The following MMP21 variants were observed in gnomAD, a reference collection of about 807,000 sequenced individuals.
The protein encoded by MMP21 is matrix metalloproteinase-21.
A neutral mutation model predicts 47.8 loss-of-function variants in MMP21; 40 were observed. The observed-to-expected ratio is 0.84, with a 90% CI of 0.65 to 1.09. The LOEUF is 1.09. MMP21 is among the 50% of genes least tolerant of loss of function. The probability of loss-of-function intolerance (pLI) is 0.00; values close to 1 mark genes in which losing one functional copy is unlikely to be tolerated. For missense variants in MMP21, 747 were observed against 775.3 expected (o/e 0.96, Z 0.43); for synonymous variants, 341 against 318.0 (o/e 1.07, Z -0.77).
intron 5 of MMP21, among the ~76,000 whole-genome samples, chr10:125,768,057 C>G (rs28381317): frequency 0.013 from 1,927 of 152,266 alleles, 56 homozygotes; most frequent in African/African-American, 0.044. Flanking sequence ...ACCTTAGTAT[C>G]TTAATGTTTT....
In MMP21 at chr10:125,775,677, C is replaced by G. The variant is rs762663007; in HGVS notation, c.145G>C (p.Asp49His). ...CCTCCTACCTGAGCAGCGTGGAGGT[C>G]GGCAATGGGCTTGGCCTGGCGCAGT... ...SPLRQAKPIA[D>H]LHAAQRFLSR... The change falls in exon 1 of 7, where the codon GAC becomes CAC. Residue 49 changes from aspartate to histidine, a missense_variant. By Grantham distance (81) the Asp-to-His change is moderately conservative (BLOSUM62 -1). Coordinates refer to ENST00000368808, the MANE Select transcript of MMP21 (RefSeq NM_147191.1). The G allele has an allele frequency of 1.2e-6, 2 of 1,608,964 alleles. No individual in the cohort carries two copies. Among genetic ancestry groups the G allele is most frequent in the Non-Finnish European group, 8.5e-7 (1 of 1,177,318 alleles).
At chr10:125,775,491 T>TAGGA (rs1850506412) in intron 1 of MMP21, among the ~76,000 whole-genome samples, 169 bp downstream of exon 1, 3 of 152,262 alleles carry the variant, frequency 2.0e-5, no homozygotes, top group Non-Finnish European at 4.4e-5. Flanking sequence ...TTCATGGTTG[T>TAGGA]TCCAATAGGA....
rs952980142 is a variant in MMP21, at chr10:125,773,880, G to T, written c.648C>A (p.Asp216Glu). ...SEVTPLDFREDLAAPGAAVDI... is the reference protein window; with the variant it reads ...SEVTPLDFREELAAPGAAVDI... ...CGACCGCGGCCCCGGGGGCGGCCAGGTCCTCGCGGAAGTCCAGCGGCGTCA... is the reference window on the plus strand; with the variant it reads ...CGACCGCGGCCCCGGGGGCGGCCAGTTCCTCGCGGAAGTCCAGCGGCGTCA... The change falls in exon 2 of 7, where the codon GAC becomes GAA. Residue 216 changes from aspartate to glutamate, a missense_variant. Asp to Glu is a conservative substitution (Grantham distance 45, BLOSUM62 2). Transcript: ENST00000368808. This position sits in a 1 kb window ranked among gnomAD's most constrained non-coding sequence, Gnocchi z 4.8. 26 of 1,577,210 alleles carry T rather than the reference G, an allele frequency of 1.6e-5. No homozygotes were observed. The highest frequency in any genetic ancestry group is 2.1e-5 in the Non-Finnish European group (24 of 1,168,878).
In MMP21 at chr10:125,766,877, G is replaced by A. The variant is rs1850392142; in HGVS notation, c.1495C>T (p.Gln499Ter). ...ITEVFPAVIPQNHPFRNIDSA... is the reference protein window; with the variant it reads ...ITEVFPAVIP Reference sequence around the variant, plus strand: ...TCTATATTTCTGAAAGGATGATTTTGTGGTATTACTGCTGGAAAAACTTCA... The same window carrying A: ...TCTATATTTCTGAAAGGATGATTTTATGGTATTACTGCTGGAAAAACTTCA... Residue 499 changes from glutamine (Q) to a stop codon, truncating the protein, a stop_gained, in exon 7 of 7, where the codon CAA becomes TAA. Coordinates refer to ENST00000368808, the MANE Select transcript of MMP21 (RefSeq NM_147191.1). LOFTEE classifies it low-confidence loss of function (END_TRUNC). 1 of 1,613,340 alleles carries A rather than the reference G, an allele frequency of 6.2e-7. No individual in the cohort carries two copies. Among genetic ancestry groups the A allele is most frequent in the East Asian group, 2.2e-5 (1 of 44,826 alleles).
intron 6 of MMP21, 30 bp downstream of exon 6, chr10:125,767,502 C>T (rs1850399094): frequency 1.9e-6 from 3 of 1,595,292 alleles, no homozygotes; most frequent in Non-Finnish European, 2.6e-6. Context: ...ATGACAGAAG[C>T]ATTGCTAGGC....
chr10:125,774,220 TC>T lies in MMP21; in HGVS notation c.307del (p.Glu103SerfsTer7). On this transcript the variant is annotated frameshift_variant, in exon 2 of 7. Coordinates refer to ENST00000368808, the MANE Select transcript of MMP21 (RefSeq NM_147191.1). LOFTEE classifies it high-confidence loss of function. ...QRANALPASGELDAATLAAMN... is the reference protein window; with the variant it reads ...QRANALPASGXLDAATLAAMN... ...GGCCGCTAGGGTGGCCGCGTCCAGC[TC>T]CCCGCTGGCCGGCAGCGCGTTCGCC... is the stretch of plus-strand genomic sequence containing the variant. 7.2e-7 allele frequency: 1 copy of T among 1,383,692 alleles called. No homozygotes were observed. The allele number at this position is 1,383,692 out of a possible 1,614,324, so 85.7% of individuals were successfully genotyped here.
chr10:125,770,629 A>C (rs1850436240), intron 4 of MMP21, 38 bp from the exon 5 acceptor site: 2 of 1,606,874 alleles, frequency 1.2e-6, no homozygotes, highest in Non-Finnish European at 1.7e-6. Flanking sequence ...CTTGTCACAT[A>C]CATGGTGCAA....
chr10:125,768,668 C>T (rs888277543), intron 5 of MMP21, among the ~76,000 whole-genome samples: 1 of 152,136 alleles, frequency 6.6e-6, no homozygotes. Context: ...TCTTTTAATC[C>T]AAAATATTCA....
chr10:125,773,784 C>T lies in MMP21; in HGVS notation c.697+47G>A. 6.9e-7 allele frequency: 1 copy of T among 1,455,820 alleles called. No individual in the cohort carries two copies. The highest frequency in any genetic ancestry group is 9.0e-7 in the Non-Finnish European group (1 of 1,108,760). 90.2% of individuals were successfully genotyped at this position (1,455,820 alleles called of 1,614,324 possible). Reference sequence around the variant, plus strand: ...GAGGTGGGGGTAGGTGCGCCGGGGTCCCCGAGGGGCTGGGTCGGGCAGGCA... The same window carrying T: ...GAGGTGGGGGTAGGTGCGCCGGGGTTCCCGAGGGGCTGGGTCGGGCAGGCA... On this transcript the variant is annotated intron_variant, in intron 2 of 6. Coordinates refer to ENST00000368808, the MANE Select transcript of MMP21 (RefSeq NM_147191.1). The surrounding 1 kb of genome is among the most constrained non-coding windows in gnomAD (Gnocchi z 4.8).
At position 125,773,060 on chromosome 10, in the gene MMP21, G is replaced by T. The variant is rs1490248153; in HGVS notation, c.698-310C>A. Reference sequence around the variant, plus strand: ...CCTCACCCGGACAAGATCGGGGCCGGATCCTCGCCTCTGCGGAGGTCGTGA... The same window carrying T: ...CCTCACCCGGACAAGATCGGGGCCGTATCCTCGCCTCTGCGGAGGTCGTGA... On this transcript the variant is annotated intron_variant, in intron 2 of 6. Coordinates refer to ENST00000368808, the MANE Select transcript of MMP21 (RefSeq NM_147191.1). The surrounding 1 kb of genome is among the most constrained non-coding windows in gnomAD (Gnocchi z 4.8). 6.6e-6 allele frequency among the ~76,000 whole-genome samples: 1 copy of T among 152,260 alleles called. No homozygotes were observed. The highest frequency in any genetic ancestry group is 2.4e-5 in the African/African-American group (1 of 41,470).
In MMP21 at chr10:125,774,292, G is replaced by A; in HGVS notation, c.236C>T (p.Thr79Ile). 1.4e-6 allele frequency: 2 copies of A among 1,418,530 alleles called. No homozygotes were observed. Among genetic ancestry groups the A allele is most frequent in the East Asian group, 3.0e-5 (1 of 33,220 alleles). 87.9% of individuals were successfully genotyped at this position (1,418,530 alleles called of 1,614,324 possible). A position where few individuals can be genotyped will look rare whatever the true frequency, so the allele number is the denominator to read the frequency against. The change falls in exon 2 of 7, where the codon ACC becomes ATC. Residue 79 changes from threonine to isoleucine, a missense_variant. Transcript: ENST00000368808. ...CTCGGCCAGGGCGGCGCCCTTGGGG[G>A]TCTCCGGCGGCCCCTCGGGACTGGG... ...WGPSPEGPPE[T>I]PKGAALAEAV... is the part of the protein sequence containing the mutation.
chr10:125,773,718 G>C lies in MMP21; in HGVS notation c.697+113C>G. On this transcript the variant is annotated intron_variant, in intron 2 of 6. Coordinates refer to ENST00000368808, the MANE Select transcript of MMP21 (RefSeq NM_147191.1). The surrounding 1 kb of genome is among the most constrained non-coding windows in gnomAD (Gnocchi z 4.8). ...CTGCCCCGCTGACAGGTGCCCCCGG[G>C]ACAGGCCGGGAGGGCTTAGCCCCCC... 1 of 1,335,796 alleles carries C rather than the reference G, an allele frequency of 7.5e-7. No individual in the cohort carries two copies. The highest frequency in any genetic ancestry group is 9.7e-7 in the Non-Finnish European group (1 of 1,032,736). 82.7% of individuals were successfully genotyped at this position (1,335,796 alleles called of 1,614,324 possible). A position where few individuals can be genotyped will look rare whatever the true frequency, so the allele number is the denominator to read the frequency against.
intron 5 of MMP21, among the ~76,000 whole-genome samples, 171 bp from the exon 6 acceptor site, chr10:125,767,875 G>A (rs565679058): frequency 4.6e-5 from 7 of 152,098 alleles, no homozygotes; most frequent in Non-Finnish European, 7.4e-5. Flanking sequence ...CCATTTCCCC[G>A]CGTCTTGAAT....
chr10:125,773,833 C>A lies in MMP21; in HGVS notation c.695G>T (p.Arg232Ile). 6.5e-7 allele frequency: 1 copy of A among 1,541,906 alleles called. No individual in the cohort carries two copies. Among genetic ancestry groups the A allele is most frequent in the Non-Finnish European group, 8.7e-7 (1 of 1,151,246 alleles). The change falls in exon 2 of 7, where the codon AGA becomes ATA. Residue 232 changes from arginine to isoleucine, a missense_variant and splice_region_variant. Physicochemically the swap from Arg to Ile is moderately conservative, Grantham distance 97. Coordinates refer to ENST00000368808, the MANE Select transcript of MMP21 (RefSeq NM_147191.1). The surrounding 1 kb of genome is among the most constrained non-coding windows in gnomAD (Gnocchi z 4.8). Reference protein sequence around the residue: ...AAVDIKLGFGRGRHLGCPRAF... With the variant: ...AAVDIKLGFGIGRHLGCPRAF... The stretch of plus-strand genomic sequence containing the variant: ...CAGGGAGCCCGGGGTGCTCTTACCT[C>A]TCCCAAAGCCCAGCTTGATGTCGAC...
intron 5 of MMP21, among the ~76,000 whole-genome samples, chr10:125,769,168 G>T (rs1002723302): frequency 3.3e-5 from 5 of 152,186 alleles, no homozygotes; most frequent in African/African-American, 9.7e-5. Flanking sequence ...AAGGCAGCGT[G>T]CCTCGTGCAC....
intron 6 of MMP21, 40 bp downstream of exon 6, chr10:125,767,492 A>G: frequency 6.3e-7 from 1 of 1,577,764 alleles, no homozygotes; most frequent in Non-Finnish European, 8.7e-7. Context: ...TCTATTAGGG[A>G]TGACAGAAGC....
Position 125,773,720 on chromosome 10 carries a change from C to A in MMP21, c.697+111G>T. 3 of 1,343,854 alleles carry A rather than the reference C, an allele frequency of 2.2e-6. No homozygotes were observed. The highest frequency in any genetic ancestry group is 2.9e-6 in the Non-Finnish European group (3 of 1,039,686). 83.2% of individuals were successfully genotyped at this position (1,343,854 alleles called of 1,614,324 possible). On this transcript the variant is annotated intron_variant, in intron 2 of 6. Transcript: ENST00000368808. This position sits in a 1 kb window ranked among gnomAD's most constrained non-coding sequence, Gnocchi z 4.8. The stretch of plus-strand genomic sequence containing the variant: ...GCCCCGCTGACAGGTGCCCCCGGGA[C>A]AGGCCGGGAGGGCTTAGCCCCCCAT...
At chr10:125,768,266 TAGAG>T (rs1205371346) in intron 5 of MMP21, among the ~76,000 whole-genome samples, 1 of 151,876 alleles carries the variant, frequency 6.6e-6, no homozygotes, top group Non-Finnish European at 1.5e-5. Flanking sequence ...GACACTGGAG[TAGAG>T]AGCTGAAGTG....
rs1850459948 is a variant in MMP21 at position 125,772,481 on chromosome 10, T to G, written c.838-122A>C. ...GTGAAGAGGGGAGCACCGGTGGAAC[T>G]GGGGAGCCATTCCACGGATTCACCT... On this transcript the variant is annotated intron_variant, in intron 3 of 6. Transcript: ENST00000368808. The surrounding 1 kb of genome is among the most constrained non-coding windows in gnomAD (Gnocchi z 5.6). 6.4e-7 allele frequency: 1 copy of G among 1,559,444 alleles called. No homozygotes were observed. Among genetic ancestry groups the G allele is most frequent in the Non-Finnish European group, 8.8e-7 (1 of 1,139,104 alleles).
Sources: gnomAD v4.1 joint callset for allele counts (sites outside exome capture counted in the v4.1 genomes callset) on GRCh38, gnomAD v4.1.1 for gene constraint, Gnocchi (gnomAD v3.1) non-coding constraint, MANE v1.5 for transcripts, NCBI Gene and HGNC (gene_info 2026-07-23, HGNC 2026-07-21) for gene names.